The following ARHGAP28 variants were observed in gnomAD, a reference collection of about 807,000 sequenced individuals.
ARHGAP28 encodes the protein rho GTPase-activating protein 28.
ARHGAP28 carries 56 observed loss-of-function variants against 90.7 expected under a neutral mutation model. The observed-to-expected ratio is 0.62, with a 90% CI of 0.50 to 0.77. The LOEUF is 0.77. Ranked by LOEUF, ARHGAP28 falls within the 30% of genes least tolerant of loss-of-function variation. The pLI is 0.00. For synonymous variants in ARHGAP28, 308 were observed against 323.3 expected (o/e 0.95, Z 0.51); for missense variants, 869 against 900.9 (o/e 0.96, Z 0.45).
chr18:6,832,409 A>G (rs1323703462), intron 2 of ARHGAP28, among the ~76,000 whole-genome samples: 1 of 152,084 alleles, frequency 6.6e-6, no homozygotes, highest in Non-Finnish European at 1.5e-5. Flanking sequence ...GTAAATGCTC[A>G]TTAGATTAAG....
chr18:6,829,868 A>C (rs2143814285), intron 2 of ARHGAP28, among the ~76,000 whole-genome samples: 1 of 152,338 alleles, frequency 6.6e-6, no homozygotes, highest in Non-Finnish European at 1.5e-5. Context: ...TAGTGGCTTA[A>C]AACAGCAGGA....
At chr18:6,835,626 G>T (rs2056747295) in intron 2 of ARHGAP28, among the ~76,000 whole-genome samples, 1 of 151,944 alleles carries the variant, frequency 6.6e-6, no homozygotes, top group Non-Finnish European at 1.5e-5. Context: ...CCCTCACTTG[G>T]GTAATGCCTC....
Position 6,912,260 on chromosome 18 carries a change from C to T in ARHGAP28, c.*106C>T. The T allele has an allele frequency of 3.4e-6, 2 of 584,452 alleles. No homozygotes were observed. Among genetic ancestry groups the T allele is most frequent in the Non-Finnish European group, 5.7e-6 (2 of 348,066 alleles). 36.2% of individuals were successfully genotyped at this position (584,452 alleles called of 1,614,324 possible). A position where few individuals can be genotyped will look rare whatever the true frequency, so the allele number is the denominator to read the frequency against. Reference sequence around the variant, plus strand: ...TTGACGTATTTGTTCCTACAGCATTCTCAGTATTTCTGGCCCTCAGCAGTG... The same window carrying T: ...TTGACGTATTTGTTCCTACAGCATTTTCAGTATTTCTGGCCCTCAGCAGTG... On this transcript the variant is annotated 3_prime_UTR_variant, in exon 18 of 18. Transcript: ENST00000383472.
chr18:6,864,764 A>G (rs1005873411), intron 5 of ARHGAP28, among the ~76,000 whole-genome samples: 19 of 152,232 alleles, frequency 1.2e-4, no homozygotes, highest in Admixed American at 3.9e-4. Flanking sequence ...GGCTCACTGC[A>G]GCCTTGAATG....
At chr18:6,896,767 A>C (rs2057307717) in intron 16 of ARHGAP28, 141 bp downstream of exon 16, 1 of 979,644 alleles carries the variant, frequency 1.0e-6, no homozygotes, top group Admixed American at 2.9e-5. Flanking sequence ...GATTACGAGA[A>C]TAAAAAGAGA....
At chr18:6,832,217 T>G (rs1252964683) in intron 2 of ARHGAP28, among the ~76,000 whole-genome samples, 2 of 152,062 alleles carry the variant, frequency 1.3e-5, no homozygotes, top group Non-Finnish European at 2.9e-5. Flanking sequence ...TACAAATTTT[T>G]GGGTTTTTTT....
At chr18:6,753,445 GCTAT>G (rs2056085754) in intron 1 of ARHGAP28, among the ~76,000 whole-genome samples, 1 of 152,044 alleles carries the variant, frequency 6.6e-6, no homozygotes, top group Admixed American at 6.6e-5. Flanking sequence ...TTCTTTGTCT[GCTAT>G]CTGTGTGTGT....
chr18:6,865,288 G>A (rs2057030031), intron 5 of ARHGAP28, among the ~76,000 whole-genome samples: 1 of 152,188 alleles, frequency 6.6e-6, no homozygotes, highest in African/African-American at 2.4e-5. Context: ...TGTGAACAAT[G>A]TTTTAATTCA....
chr18:6,790,233 G>A (rs964694235), intron 1 of ARHGAP28: 1 of 152,038 alleles, frequency 6.6e-6, no homozygotes. Flanking sequence ...TATTTTCATA[G>A]GCTAGATACC....
intron 1 of ARHGAP28, among the ~76,000 whole-genome samples, chr18:6,803,681 C>A (rs1015580161): frequency 6.6e-6 from 1 of 151,984 alleles, no homozygotes; most frequent in African/African-American, 2.4e-5. Context: ...AATAAATTAT[C>A]TTTTTCTTAA....
intron 3 of ARHGAP28, among the ~76,000 whole-genome samples, chr18:6,845,296 C>T (rs2056857818): frequency 6.6e-6 from 1 of 152,156 alleles, no homozygotes; most frequent in African/African-American, 2.4e-5. Flanking sequence ...CCAGGCTGGT[C>T]TCAGACTCCT....
At chr18:6,751,964 TAAAA>T (rs199775924) in intron 1 of ARHGAP28, among the ~76,000 whole-genome samples, 24 of 148,610 alleles carry the variant, frequency 1.6e-4, no homozygotes, top group African/African-American at 5.9e-4. Context: ...TTACAAAACT[TAAAA>T]AAAAAAATTC....
chr18:6,844,561 TA>T (rs769982778), intron 3 of ARHGAP28, among the ~76,000 whole-genome samples: 6 of 152,206 alleles, frequency 3.9e-5, no homozygotes, highest in Non-Finnish European at 8.8e-5. Flanking sequence ...ATATTATACA[TA>T]ACAAGTGATT....
chr18:6,769,753 T>G (rs1399868298), intron 1 of ARHGAP28, among the ~76,000 whole-genome samples: 6 of 152,234 alleles, frequency 3.9e-5, no homozygotes, highest in Non-Finnish European at 8.8e-5. Context: ...CTACAGCTAT[T>G]TCTATGTCTA....
intron 1 of ARHGAP28, among the ~76,000 whole-genome samples, chr18:6,759,551 C>T (rs1236851124): frequency 6.6e-6 from 1 of 152,122 alleles, no homozygotes; most frequent in African/African-American, 2.4e-5. Flanking sequence ...AGCCCTGCAC[C>T]TAATAGGTTA....
At chr18:6,764,590 G>T (rs1049278275) in intron 1 of ARHGAP28, among the ~76,000 whole-genome samples, 2 of 152,156 alleles carry the variant, frequency 1.3e-5, no homozygotes, top group African/African-American at 2.4e-5. Context: ...CTGAAAGCCT[G>T]CCAGCCTCCC....
Position 6,898,382 on chromosome 18 carries a change from A to G in ARHGAP28, c.2030+1756A>G, listed in dbSNP as rs1037078647. On this transcript the variant is annotated intron_variant, in intron 16 of 17. Transcript: ENST00000383472. ...TACTTCTGACTTGTACATTTTATAT[A>G]TAATATATACACATATACACACACA... 5 of 782,164 alleles carry G rather than the reference A, an allele frequency of 6.4e-6. No individual in the cohort carries two copies. In the African/African-American group the frequency reaches 8.9e-5, roughly 14 times the overall value. 48.5% of individuals were successfully genotyped at this position (782,164 alleles called of 1,614,324 possible).
intron 1 of ARHGAP28, among the ~76,000 whole-genome samples, chr18:6,763,587 G>A (rs369626618): frequency 1.3e-5 from 2 of 152,174 alleles, no homozygotes; most frequent in African/African-American, 4.8e-5. Flanking sequence ...GCAGACACTT[G>A]TTTAATTTTC....
intron 1 of ARHGAP28, among the ~76,000 whole-genome samples, chr18:6,778,283 T>A (rs1377001035): frequency 6.6e-6 from 1 of 152,228 alleles, no homozygotes; most frequent in East Asian, 1.9e-4. Context: ...AACTTCTTAA[T>A]GAGCTGCAAG....
Sources: allele counts gnomAD v4.1 joint callset (sites outside exome capture counted in the v4.1 genomes callset), GRCh38; gene constraint gnomAD v4.1.1; transcripts MANE v1.5; gene names NCBI Gene and HGNC (gene_info 2026-07-23, HGNC 2026-07-21).